The following CRYM variants were observed in gnomAD, a reference collection of about 807,000 sequenced individuals.
CRYM encodes crystallin mu, also known as ketimine reductase mu-crystallin.
A neutral mutation model predicts 32.9 loss-of-function variants in CRYM; 18 were observed. The observed-to-expected ratio is 0.55, with a 90% confidence interval of 0.38 to 0.81. The LOEUF is 0.81. Among genes scored for constraint, CRYM ranks in the 30% least tolerant of loss-of-function variants. The pLI, the probability that CRYM is intolerant of heterozygous loss-of-function variation, is 0.00. For missense variants in CRYM, 337 were observed against 393.5 expected (o/e 0.86, Z 1.21); for synonymous variants, 153 against 152.4 (o/e 1.00, Z -0.03).
At chr16:21,284,744 C>G (rs998642480) in intron 1 of CRYM, among the ~76,000 whole-genome samples, 1 of 152,208 alleles carries the variant, frequency 6.6e-6, no homozygotes, top group Admixed American at 6.5e-5. Flanking sequence ...AATGAACATA[C>G]AGACGCATGT....
In CRYM at chr16:21,278,148, G is replaced by C; in HGVS notation, c.104C>G (p.Ser35Cys). 6.4e-7 allele frequency: 1 copy of C among 1,551,968 alleles called. No individual in the cohort carries two copies. The highest frequency in any genetic ancestry group is 8.7e-7 in the Non-Finnish European group (1 of 1,148,086). ...PPLETALANF[S>C]SGPEGGVMQP... ...CATGACCCCTCCTTCGGGACCGCTG[G>C]AGAAGTTGGCCAGGGCCGTCTCTAG... Residue 35 changes from serine to cysteine, a missense_variant, in exon 1 of 8, where the codon TCC (serine) becomes TGC (cysteine). Physicochemically the swap from Ser to Cys is moderately radical, Grantham distance 112. Coordinates refer to ENST00000572914, the MANE Select transcript of CRYM (RefSeq NM_001376256.1).
chr16:21,262,509 C>T (rs963779570), intron 5 of CRYM, among the ~76,000 whole-genome samples: 1 of 152,082 alleles, frequency 6.6e-6, no homozygotes. Flanking sequence ...GTCTTTGCTA[C>T]TCTGGAGGCT....
chr16:21,290,886 A>T (rs1960634275), intron 1 of CRYM, among the ~76,000 whole-genome samples: 1 of 152,208 alleles, frequency 6.6e-6, no homozygotes, highest in Non-Finnish European at 1.5e-5. Flanking sequence ...ATATAAAATA[A>T]ACGGTATGAG....
intron 3 of CRYM, among the ~76,000 whole-genome samples, 193 bp downstream of exon 3, chr16:21,275,339 G>A (rs2093384076): frequency 6.6e-6 from 1 of 152,210 alleles, no homozygotes; most frequent in Non-Finnish European, 1.5e-5. Flanking sequence ...TAAGGTACTT[G>A]AAATCTGGTC....
chr16:21,269,680 G>T, intron 4 of CRYM, 110 bp downstream of exon 4: 1 of 755,314 alleles, frequency 1.3e-6, no homozygotes, highest in Non-Finnish European at 2.3e-6. Context: ...GGTCTAGATG[G>T]GGCTCACAAC....
chr16:21,266,094 G>A (rs2093363259), intron 5 of CRYM, among the ~76,000 whole-genome samples: 1 of 152,108 alleles, frequency 6.6e-6, no homozygotes, highest in South Asian at 2.1e-4. Flanking sequence ...GCATGGTGGC[G>A]TGTGTCTGTA....
chr16:21,301,962 C>A (rs1040806960), intron 1 of CRYM, among the ~76,000 whole-genome samples: 1 of 152,204 alleles, frequency 6.6e-6, no homozygotes, highest in Non-Finnish European at 1.5e-5. Flanking sequence ...TCCCCGACGC[C>A]CGGGAGGCCC....
upstream of CRYM, among the ~76,000 whole-genome samples, chr16:21,282,288 G>A (rs955178134): frequency 2.6e-5 from 4 of 152,178 alleles, no homozygotes; most frequent in African/African-American, 9.7e-5. Context: ...TCTTTCTTCT[G>A]TAAATTGCCC....
Position 21,277,388 on chromosome 16 carries a change from G to C in CRYM, c.324+43C>G, listed in dbSNP as rs760146348. ...GAACTTACTTTTGAGCTTCAATCTG[G>C]GCCCAGGGGCCCCATTCCACCCCGG... is the stretch of plus-strand genomic sequence containing the variant. On this transcript the variant is annotated intron_variant, in intron 2 of 7. Coordinates refer to ENST00000572914, the MANE Select transcript of CRYM (RefSeq NM_001376256.1). This position sits in a 1 kb window ranked among gnomAD's most constrained non-coding sequence, Gnocchi z 4.2. 2 of 1,607,166 alleles carry C rather than the reference G, an allele frequency of 1.2e-6. No homozygotes were observed. Among genetic ancestry groups the C allele is most frequent in the South Asian group, 2.2e-5 (2 of 90,790 alleles).
intron 1 of CRYM, among the ~76,000 whole-genome samples, chr16:21,298,377 C>A (rs1960831140): frequency 6.6e-6 from 1 of 152,144 alleles, no homozygotes; most frequent in African/African-American, 2.4e-5. Context: ...AAGTCAAACA[C>A]TAAAAACAAC....
At chr16:21,264,066 C>G (rs755144813) in intron 5 of CRYM, among the ~76,000 whole-genome samples, 7 of 152,250 alleles carry the variant, frequency 4.6e-5, no homozygotes, top group South Asian at 2.1e-4. Flanking sequence ...GCTATAAAGC[C>G]TTATACAAAT....
At chr16:21,278,504 G>T, upstream of CRYM, 1 of 585,816 alleles carries the variant, frequency 1.7e-6, no homozygotes, top group South Asian at 2.0e-5. Flanking sequence ...TGGCGTGCTG[G>T]GAGTCAATAT....
chr16:21,266,921 C>T (rs1414812084), intron 5 of CRYM, among the ~76,000 whole-genome samples: 3 of 151,650 alleles, frequency 2.0e-5, no homozygotes, highest in Non-Finnish European at 4.4e-5. Flanking sequence ...GTGGGAGAAT[C>T]GCTTGAACCC....
At chr16:21,270,426 G>A (rs1331242997) in intron 3 of CRYM, among the ~76,000 whole-genome samples, 1 of 152,058 alleles carries the variant, frequency 6.6e-6, no homozygotes, top group African/African-American at 2.4e-5. Context: ...TGGGATTATA[G>A]GTGTGCGCCA....
At position 21,261,244 on chromosome 16, in the gene CRYM, T is replaced by A; in HGVS notation, c.880+10A>T. On this transcript the variant is annotated intron_variant, in intron 7 of 7. Coordinates refer to ENST00000572914, the MANE Select transcript of CRYM (RefSeq NM_001376256.1). ...AGTTGGATTTGTGCCCAGGGAGCAA[T>A]GGATCTTACCCAAAGACTTGAACAC... 1 of 1,610,788 alleles carries A rather than the reference T, an allele frequency of 6.2e-7. No homozygotes were observed. Among genetic ancestry groups the A allele is most frequent in the East Asian group, 2.2e-5 (1 of 44,850 alleles).
chr16:21,293,056 T>C (rs1448169892), intron 1 of CRYM, among the ~76,000 whole-genome samples: 1 of 151,348 alleles, frequency 6.6e-6, no homozygotes, highest in African/African-American at 2.4e-5. Flanking sequence ...GATAGATAGA[T>C]AGAATAAGAT....
At chr16:21,294,424 T>C (rs1049103341) in intron 1 of CRYM, among the ~76,000 whole-genome samples, 8 of 152,184 alleles carry the variant, frequency 5.3e-5, no homozygotes, top group Non-Finnish European at 8.8e-5. Flanking sequence ...CATGGTGGTT[T>C]GCTGCACCTA....
intron 1 of CRYM, among the ~76,000 whole-genome samples, chr16:21,302,174 A>G (rs1410365981): frequency 6.6e-6 from 1 of 152,244 alleles, no homozygotes; most frequent in Admixed American, 6.5e-5. Flanking sequence ...CTGACTTTGG[A>G]GGCAAATGCC....
chr16:21,285,412 C>A (rs1274721952), intron 1 of CRYM, among the ~76,000 whole-genome samples: 1 of 152,152 alleles, frequency 6.6e-6, no homozygotes, highest in Non-Finnish European at 1.5e-5. Context: ...CTTGAGTTCC[C>A]AAAATATACT....
Sources: gnomAD v4.1 joint callset for allele counts (sites outside exome capture counted in the v4.1 genomes callset) on GRCh38, gnomAD v4.1.1 for gene constraint, Gnocchi (gnomAD v3.1) non-coding constraint, MANE v1.5 for transcripts, NCBI Gene and HGNC (gene_info 2026-07-23, HGNC 2026-07-21) for gene names.